Variants in EQTN observed in about 807,000 individuals in gnomAD.
EQTN encodes equatorin.
A neutral mutation model predicts 26.9 loss-of-function variants in EQTN; 29 were observed. That is an observed-to-expected ratio of 1.08 (90% confidence interval 0.80 to 1.47). The LOEUF (loss-of-function observed/expected upper bound fraction) is 1.47, where lower values mean the gene tolerates loss of function less well. Ranked by LOEUF, EQTN falls within the 40% of genes most tolerant of loss-of-function variation. The pLI, the probability that EQTN is intolerant of heterozygous loss-of-function variation, is 0.00. For missense variants in EQTN, 391 were observed against 346.1 expected (o/e 1.13, Z -1.03); for synonymous variants, 129 against 120.0 (o/e 1.07, Z -0.49).
chr9:27,295,913 G>A lies in EQTN; in HGVS notation c.202+700C>T, dbSNP rs188522319. On this transcript the variant is annotated intron_variant, in intron 2 of 7. Coordinates refer to ENST00000380032, the MANE Select transcript of EQTN (RefSeq NM_020641.3). Reference sequence around the variant, plus strand: ...CAATATTTTGGACTGGATAAAGCCTGCTTAGGCAAGACACAAAATGCAGAG... The same window carrying A: ...CAATATTTTGGACTGGATAAAGCCTACTTAGGCAAGACACAAAATGCAGAG... 1.7e-3 allele frequency among the ~76,000 whole-genome samples: 252 copies of A among 151,248 alleles called. 1 individual carries two copies. Among genetic ancestry groups the A allele is most frequent in the African/African-American group, 5.6e-3 (230 of 41,102 alleles).
chr9:27,294,248 T>C, intron 3 of EQTN, 68 bp downstream of exon 3: 2 of 1,083,600 alleles, frequency 1.8e-6, no homozygotes, highest in Admixed American at 1.9e-5. Flanking sequence ...CCCAACAGTC[T>C]CTTATTGCTG....
Position 27,284,686 on chromosome 9 carries a change from C to A in EQTN, c.*37G>T, listed in dbSNP as rs572452162. 9 of 1,584,180 alleles carry A rather than the reference C, an allele frequency of 5.7e-6. No individual in the cohort carries two copies. The highest frequency in any genetic ancestry group is 7.7e-6 in the Non-Finnish European group (9 of 1,166,962). Reference sequence around the variant, plus strand: ...GACAAAATAATTAAAGTTATTTATTCATCAATAAGATTTCTTCACCGGGTT... The same window carrying A: ...GACAAAATAATTAAAGTTATTTATTAATCAATAAGATTTCTTCACCGGGTT... On this transcript the variant is annotated 3_prime_UTR_variant, in exon 8 of 8. Transcript: ENST00000380032.
chr9:27,289,953 C>T (rs1202610558), intron 5 of EQTN, among the ~76,000 whole-genome samples: 1 of 152,204 alleles, frequency 6.6e-6, no homozygotes, highest in Non-Finnish European at 1.5e-5. Context: ...AGTCTGGTCA[C>T]AGCATTTTCA....
In EQTN at chr9:27,291,197, T is replaced by A. The variant is rs3739536; in HGVS notation, c.377-134A>T. The A allele has an allele frequency of 4.3e-6, 3 of 691,420 alleles. No individual in the cohort carries two copies. In the African/African-American group the frequency reaches 5.5e-5, roughly 13 times the overall value. 42.8% of individuals were successfully genotyped at this position (691,420 alleles called of 1,614,324 possible). On this transcript the variant is annotated intron_variant, in intron 4 of 7. Transcript: ENST00000380032. ...GAGCTCCTATAATGTGTCAGACCTG[T>A]GGTTGGCACTAACTTATAGAAGTAA... is the stretch of plus-strand genomic sequence containing the variant.
chr9:27,293,362 C>T (rs1485475936), intron 3 of EQTN, among the ~76,000 whole-genome samples: 1 of 152,110 alleles, frequency 6.6e-6, no homozygotes, highest in Admixed American at 6.5e-5. Context: ...GTTTTTCCCC[C>T]TTGCCTTCAG....
chr9:27,286,290 C>T lies in EQTN; in HGVS notation c.554G>A (p.Gly185Glu), dbSNP rs1169731906. The T allele has an allele frequency of 2.5e-6, 4 of 1,612,206 alleles. No individual in the cohort carries two copies. Among genetic ancestry groups the T allele is most frequent in the Non-Finnish European group, 3.4e-6 (4 of 1,179,150 alleles). The part of the protein sequence containing the change: ...LEDLKIKIML[G>E]ISLMTLLLFV... ...GAGGAGGAGGGTCATCAACGAGATTCCCAGCATTATTTTGATCTTCAGATC... is the reference window on the plus strand; with the variant it reads ...GAGGAGGAGGGTCATCAACGAGATTTCCAGCATTATTTTGATCTTCAGATC... The change falls in exon 7 of 8, where the codon GGA becomes GAA. Residue 185 changes from glycine (G) to glutamate (E), a missense_variant. Physicochemically the swap from Gly to Glu is moderately conservative, Grantham distance 98. Transcript: ENST00000380032.
Position 27,286,224 on chromosome 9 carries a change from T to C in EQTN, c.620A>G (p.Lys207Arg), listed in dbSNP as rs541524809. Residue 207 changes from lysine to arginine, a missense_variant, in exon 7 of 8, where the codon AAA (lysine) becomes AGA (arginine). Transcript: ENST00000380032. ...GCAGACTTACCTCAGATGCCTCAGTTTGTACAGTGTAGCACTACAGAATGC... is the reference window on the plus strand; with the variant it reads ...GCAGACTTACCTCAGATGCCTCAGTCTGTACAGTGTAGCACTACAGAATGC... ...LLAFCSATLY[K>R]LRHLSYKSCE... 24 of 1,613,992 alleles carry C rather than the reference T, an allele frequency of 1.5e-5. No homozygotes were observed. The South Asian group carries it at 2.0e-4, about 13-fold the overall frequency.
chr9:27,284,659 A>T lies in EQTN; in HGVS notation c.*64T>A. 6.5e-7 allele frequency: 1 copy of T among 1,530,510 alleles called. No individual in the cohort carries two copies. The highest frequency in any genetic ancestry group is 8.8e-7 in the Non-Finnish European group (1 of 1,137,990). 94.8% of individuals were successfully genotyped at this position (1,530,510 alleles called of 1,614,324 possible). A position where few individuals can be genotyped will look rare whatever the true frequency, so the allele number is the denominator to read the frequency against. On this transcript the variant is annotated 3_prime_UTR_variant, in exon 8 of 8. Coordinates refer to ENST00000380032, the MANE Select transcript of EQTN (RefSeq NM_020641.3). ...AGAAGACATAAAGAAAGGTCTTTTG[A>T]TGACAAAATAATTAAAGTTATTTAT...
chr9:27,295,757 G>A (rs369640330), intron 2 of EQTN, among the ~76,000 whole-genome samples: 3 of 150,662 alleles, frequency 2.0e-5, no homozygotes, highest in East Asian at 2.0e-4. Flanking sequence ...GTGTGAACCC[G>A]GGAGGCGGAA....
At chr9:27,285,253 C>T (rs1587107898) in intron 7 of EQTN, among the ~76,000 whole-genome samples, 1 of 149,084 alleles carries the variant, frequency 6.7e-6, no homozygotes, top group South Asian at 2.1e-4. Flanking sequence ...ACGCGATTCT[C>T]CTGCCTCAGC....
chr9:27,284,666 A>C lies in EQTN; in HGVS notation c.*57T>G. 2 of 1,551,582 alleles carry C rather than the reference A, an allele frequency of 1.3e-6. No individual in the cohort carries two copies. Among genetic ancestry groups the C allele is most frequent in the South Asian group, 1.2e-5 (1 of 80,166 alleles). On this transcript the variant is annotated 3_prime_UTR_variant, in exon 8 of 8. Coordinates refer to ENST00000380032, the MANE Select transcript of EQTN (RefSeq NM_020641.3). Reference sequence around the variant, plus strand: ...ATAAAGAAAGGTCTTTTGATGACAAAATAATTAAAGTTATTTATTCATCAA... The same window carrying C: ...ATAAAGAAAGGTCTTTTGATGACAACATAATTAAAGTTATTTATTCATCAA...
intron 2 of EQTN, among the ~76,000 whole-genome samples, chr9:27,295,013 T>C (rs1374691690): frequency 6.6e-6 from 1 of 152,192 alleles, no homozygotes; most frequent in African/African-American, 2.4e-5. Flanking sequence ...CTCTCCAAAA[T>C]TTCATAAGAT....
At chr9:27,287,790 C>T (rs1421140904) in intron 6 of EQTN, among the ~76,000 whole-genome samples, 2 of 152,100 alleles carry the variant, frequency 1.3e-5, no homozygotes, top group Non-Finnish European at 2.9e-5. Context: ...AAGGATCACT[C>T]AATTTTCTTT....
chr9:27,290,501 A>G (rs1820212973), intron 5 of EQTN, among the ~76,000 whole-genome samples: 1 of 152,270 alleles, frequency 6.6e-6, no homozygotes, highest in Non-Finnish European at 1.5e-5. Context: ...TATATATTTC[A>G]CATATACAAT....
At chr9:27,288,334 A>C (rs989039456) in intron 6 of EQTN, among the ~76,000 whole-genome samples, 2 of 152,158 alleles carry the variant, frequency 1.3e-5, no homozygotes, top group Non-Finnish European at 2.9e-5. Flanking sequence ...CAGCAACAGG[A>C]GCTCACATTG....
At position 27,295,668 on chromosome 9, in the gene EQTN, T is replaced by A. The variant is rs1317705491; in HGVS notation, c.202+945A>T. Among the ~76,000 whole-genome samples the A allele has an allele frequency of 2.0e-5, 3 of 151,680 alleles. No individual in the cohort carries two copies. In the East Asian group the frequency reaches 5.8e-4, roughly 30 times the overall value. On this transcript the variant is annotated intron_variant, in intron 2 of 7. Coordinates refer to ENST00000380032, the MANE Select transcript of EQTN (RefSeq NM_020641.3). ...CTAACACTGTGAAACCCGTCTCTACTAAAAATACAAAAAATTAGCCGGGCG... is the reference window on the plus strand; with the variant it reads ...CTAACACTGTGAAACCCGTCTCTACAAAAAATACAAAAAATTAGCCGGGCG...
intron 2 of EQTN, among the ~76,000 whole-genome samples, chr9:27,295,657 C>A (rs565345069): frequency 2.0e-5 from 3 of 151,752 alleles, no homozygotes; most frequent in South Asian, 4.2e-4. Context: ...CACTGTGAAA[C>A]CCGTCTCTAC....
chr9:27,296,781 T>C, intron 1 of EQTN, 43 bp from the exon 2 acceptor site: 2 of 1,584,672 alleles, frequency 1.3e-6, no homozygotes, highest in Non-Finnish European at 1.7e-6. Context: ...AATATGTTGA[T>C]TTCTTTTACT....
Position 27,292,339 on chromosome 9 carries a change from T to TA in EQTN, c.376+61dup. On this transcript the variant is annotated intron_variant, in intron 4 of 7. Coordinates refer to ENST00000380032, the MANE Select transcript of EQTN (RefSeq NM_020641.3). The stretch of plus-strand genomic sequence containing the variant: ...ATGTAATGCTCAGAGTAGTGAAACT[T>TA]AAATTTTTAAGTCACATAATGATAT... 4.3e-6 allele frequency: 5 copies of TA among 1,162,026 alleles called. No homozygotes were observed. In the South Asian group the frequency reaches 7.1e-5, roughly 16 times the overall value. 72.0% of individuals were successfully genotyped at this position (1,162,026 alleles called of 1,614,324 possible).
Sources: allele counts gnomAD v4.1 joint callset (sites outside exome capture counted in the v4.1 genomes callset), GRCh38; gene constraint gnomAD v4.1.1; transcripts MANE v1.5; gene names NCBI Gene and HGNC (gene_info 2026-07-23, HGNC 2026-07-21).